GRXCR1: variants seen among roughly 807,000 people sequenced by gnomAD.
The protein encoded by GRXCR1 is glutaredoxin domain-containing cysteine-rich protein 1.
A neutral mutation model predicts 27.3 loss-of-function variants in GRXCR1; 27 were observed. The ratio of observed to expected loss-of-function variants is 0.99; its 90% CI spans 0.73 to 1.37. The LOEUF is 1.37. Among genes scored for constraint, GRXCR1 ranks in the 40% most tolerant of loss-of-function variants. The pLI is 0.00. For synonymous variants in GRXCR1, 122 were observed against 131.1 expected (o/e 0.93, Z 0.47); for missense variants, 379 against 354.4 (o/e 1.07, Z -0.56).
intron 1 of GRXCR1, among the ~76,000 whole-genome samples, chr4:42,955,003 T>A (rs1207860135): frequency 6.6e-6 from 1 of 152,118 alleles, no homozygotes; most frequent in Non-Finnish European, 1.5e-5. Flanking sequence ...TTACAGAATA[T>A]CATGGAGAGG....
chr4:42,926,243 T>C (rs564396415), intron 1 of GRXCR1, among the ~76,000 whole-genome samples: 3 of 151,554 alleles, frequency 2.0e-5, no homozygotes, highest in East Asian at 1.9e-4. Flanking sequence ...CCTTTCATTC[T>C]TTTTTTTCTT....
Position 42,903,472 on chromosome 4 carries a change from A to C in GRXCR1, c.384+9822A>C, listed in dbSNP as rs146534878. Among the ~76,000 whole-genome samples, 519 of 145,882 alleles carry C rather than the reference A, an allele frequency of 3.6e-3. 29 individuals are homozygous for C. The highest frequency in any genetic ancestry group is 9.4e-3 in the African/African-American group (380 of 40,314). On this transcript the variant is annotated intron_variant, in intron 1 of 3. Coordinates refer to ENST00000399770, the MANE Select transcript of GRXCR1 (RefSeq NM_001080476.3). ...GACTACAGGCACCCACCACCACGCCAGGCTAATTTTTTGTATTTTTTAGTA... is the reference window on the plus strand; with the variant it reads ...GACTACAGGCACCCACCACCACGCCCGGCTAATTTTTTGTATTTTTTAGTA...
At chr4:42,948,635 CT>C (rs1747803168) in intron 1 of GRXCR1, among the ~76,000 whole-genome samples, 2 of 152,072 alleles carry the variant, frequency 1.3e-5, no homozygotes, top group Non-Finnish European at 2.9e-5. Flanking sequence ...AGGTGTCCCT[CT>C]CCTAATCCCT....
intron 1 of GRXCR1, among the ~76,000 whole-genome samples, chr4:42,910,304 G>A (rs1488745435): frequency 3.9e-5 from 6 of 152,120 alleles, no homozygotes; most frequent in African/African-American, 4.8e-5. Flanking sequence ...AACACAACGT[G>A]TATTGATTAC....
intron 3 of GRXCR1, among the ~76,000 whole-genome samples, chr4:43,024,123 T>C (rs1713179432): frequency 6.6e-6 from 1 of 151,008 alleles, no homozygotes; most frequent in Non-Finnish European, 1.5e-5. Flanking sequence ...GCCTTGTTAT[T>C]TTTTTGAAGA....
chr4:42,957,364 A>C (rs13133115), intron 1 of GRXCR1, among the ~76,000 whole-genome samples: 7,198 of 152,118 alleles, frequency 0.047, 211 homozygotes, highest in African/African-American at 0.08. Context: ...TTTGCTCACC[A>C]TTATACACCT....
chr4:43,023,889 T>C (rs1332210279), intron 3 of GRXCR1, among the ~76,000 whole-genome samples: 3 of 152,210 alleles, frequency 2.0e-5, no homozygotes, highest in Non-Finnish European at 2.9e-5. Context: ...AACCACCATC[T>C]TTTTGGTAAA....
intron 1 of GRXCR1, among the ~76,000 whole-genome samples, chr4:42,903,168 A>C (rs1302255097): frequency 7.8e-6 from 1 of 127,768 alleles, no homozygotes; most frequent in Non-Finnish European, 1.7e-5. Flanking sequence ...GTACAGTTTT[A>C]CACATGTTTT....
At chr4:42,931,325 T>A (rs761636184) in intron 1 of GRXCR1, among the ~76,000 whole-genome samples, 5 of 152,010 alleles carry the variant, frequency 3.3e-5, no homozygotes, top group Non-Finnish European at 7.4e-5. Context: ...CAATTGGAGT[T>A]GTCTACATTC....
intron 3 of GRXCR1, among the ~76,000 whole-genome samples, chr4:43,021,925 G>T (rs1713104837): frequency 6.6e-6 from 1 of 151,998 alleles, no homozygotes; most frequent in South Asian, 2.1e-4. Flanking sequence ...TCTGCTTCTG[G>T]CTGTGTGACT....
At chr4:42,904,485 G>A (rs1399541209) in intron 1 of GRXCR1, among the ~76,000 whole-genome samples, 1 of 152,146 alleles carries the variant, frequency 6.6e-6, no homozygotes, top group African/African-American at 2.4e-5. Flanking sequence ...AGACATAAGA[G>A]CACTATTCTC....
At chr4:42,911,839 C>T (rs1256806299) in intron 1 of GRXCR1, among the ~76,000 whole-genome samples, 2 of 152,128 alleles carry the variant, frequency 1.3e-5, no homozygotes, top group Non-Finnish European at 2.9e-5. Flanking sequence ...TATAACACTT[C>T]TGTTACATGT....
chr4:42,997,799 C>T (rs969560843), intron 2 of GRXCR1, among the ~76,000 whole-genome samples: 1 of 152,102 alleles, frequency 6.6e-6, no homozygotes, highest in Non-Finnish European at 1.5e-5. Flanking sequence ...AATAAAGGCC[C>T]CTGCCCTCAT....
At chr4:43,010,688 G>A (rs1042049611) in intron 2 of GRXCR1, among the ~76,000 whole-genome samples, 2 of 149,358 alleles carry the variant, frequency 1.3e-5, no homozygotes, top group Admixed American at 6.6e-5. Flanking sequence ...TTAAAAAAGT[G>A]ATTTTTAAGA....
intron 1 of GRXCR1, among the ~76,000 whole-genome samples, chr4:42,921,806 T>C (rs879358363): frequency 5.9e-5 from 9 of 152,134 alleles, no homozygotes; most frequent in Non-Finnish European, 1.3e-4. Flanking sequence ...TATTGCTGAC[T>C]TGACTTAGGG....
chr4:42,910,941 A>G (rs1302215171), intron 1 of GRXCR1, among the ~76,000 whole-genome samples: 1 of 151,960 alleles, frequency 6.6e-6, no homozygotes, highest in Non-Finnish European at 1.5e-5. Context: ...GGAAGTTTCC[A>G]TGGTTCTCCT....
At chr4:42,912,290 C>T (rs11943092) in intron 1 of GRXCR1, among the ~76,000 whole-genome samples, 3 of 152,086 alleles carry the variant, frequency 2.0e-5, no homozygotes, top group African/African-American at 4.8e-5. Flanking sequence ...TATTTAAAAT[C>T]GTATTTGTTT....
intron 1 of GRXCR1, among the ~76,000 whole-genome samples, chr4:42,958,373 G>A (rs1384685714): frequency 2.0e-5 from 3 of 151,966 alleles, no homozygotes; most frequent in Admixed American, 1.3e-4. Flanking sequence ...ACATGCAAAA[G>A]AATGAAATTG....
intron 2 of GRXCR1, among the ~76,000 whole-genome samples, chr4:42,985,580 G>T (rs944875034): frequency 1.3e-5 from 2 of 151,796 alleles, no homozygotes; most frequent in African/African-American, 2.4e-5. Context: ...TGAGCATAGA[G>T]ATTTAGTATT....
Sources: allele counts gnomAD v4.1 joint callset (sites outside exome capture counted in the v4.1 genomes callset), GRCh38; gene constraint gnomAD v4.1.1; transcripts MANE v1.5; gene names NCBI Gene and HGNC (gene_info 2026-07-23, HGNC 2026-07-21).